The following ANO7 variants were observed in gnomAD, a reference collection of about 807,000 sequenced individuals.
The protein encoded by ANO7 is anoctamin-7.
A neutral mutation model predicts 115.8 loss-of-function variants in ANO7; 114 were observed. The ratio of observed to expected loss-of-function variants is 0.98; its 90% CI spans 0.85 to 1.15. The LOEUF (loss-of-function observed/expected upper bound fraction) is 1.15. Ranked by LOEUF, ANO7 falls within the 50% of genes most tolerant of loss-of-function variation. The pLI is 0.00. For synonymous variants in ANO7, 550 were observed against 498.2 expected (o/e 1.10, Z -1.38); for missense variants, 1,302 against 1,201.2 (o/e 1.08, Z -1.24).
At chr2:241,217,573 G>C in intron 19 of ANO7, 113 bp from the exon 20 acceptor site, 1 of 1,248,056 alleles carries the variant, frequency 8.0e-7, no homozygotes, top group South Asian at 1.4e-5. Flanking sequence ...GGCGGAATGA[G>C]CCGCGATGGG....
chr2:241,233,891 C>T, the ANO7 span: 1 of 1,614,062 alleles, frequency 6.2e-7, no homozygotes, highest in Non-Finnish European at 8.5e-7. The surrounding 1 kb of genome is among the most constrained non-coding windows in gnomAD (Gnocchi z 4.3). Context: ...GTAATTACTG[C>T]CCCCTTTCTC....
At chr2:241,230,622 A>G (rs1574826443), downstream of ANO7, 33 of 747,810 alleles carry the variant, frequency 4.4e-5, 1 homozygote, top group South Asian at 5.8e-4. This position sits in a 1 kb window ranked among gnomAD's most constrained non-coding sequence, Gnocchi z 5.0. Flanking sequence ...GGTGTCCATG[A>G]GGACAGTTCC....
rs140402249 is a variant in ANO7 at position 241,217,729 on chromosome 2, G to C, written c.2016G>C (p.Pro672=). 128 of 1,601,006 alleles carry C rather than the reference G, an allele frequency of 8.0e-5. No individual in the cohort carries two copies. The African/African-American group carries it at 1.3e-3, about 17-fold the overall frequency. Reference sequence around the variant, plus strand: ...TCACCATCTTCGTGGCCGCCTGTCCGCTCGCGCCGCTCTTCGCCCTGCTCA... The same window carrying C: ...TCACCATCTTCGTGGCCGCCTGTCCCCTCGCGCCGCTCTTCGCCCTGCTCA... ...GFVTIFVAAC[P]LAPLFALLNN... The change falls in exon 20 of 25, where the codon CCG becomes CCC. Residue 672 remains proline (P), a synonymous_variant. Coordinates refer to ENST00000674324, the MANE Select transcript of ANO7 (RefSeq NM_001370694.2).
rs771042806 is a variant in ANO7, at chr2:241,207,573, G to A, written c.981-1G>A. 1.7e-5 allele frequency: 27 copies of A among 1,613,256 alleles called. No individual in the cohort carries two copies. Among genetic ancestry groups the A allele is most frequent in the Non-Finnish European group, 2.0e-5 (24 of 1,179,960 alleles). ...CCACCCCTCCGCTCCATGCCTTGCAGGCAGGAACTGTGTGGCAGCAAGGAC... is the reference window on the plus strand; with the variant it reads ...CCACCCCTCCGCTCCATGCCTTGCAAGCAGGAACTGTGTGGCAGCAAGGAC... On this transcript the variant is annotated splice_acceptor_variant, in intron 10 of 24. Coordinates refer to ENST00000674324, the MANE Select transcript of ANO7 (RefSeq NM_001370694.2). LOFTEE classifies it high-confidence loss of function.
At chr2:241,229,862 C>T (rs2069517369), downstream of ANO7, 3 of 1,384,570 alleles carry the variant, frequency 2.2e-6, no homozygotes, top group South Asian at 1.2e-5. Flanking sequence ...GTCCAGGGTG[C>T]GTCCCGCACC....
At chr2:241,198,287 C>T (rs16843438) in intron 4 of ANO7, among the ~76,000 whole-genome samples, 20,564 of 152,168 alleles carry the variant, frequency 0.14, 1,631 homozygotes, top group African/African-American at 0.22. Context: ...TCCAGTCCTT[C>T]TCAGGTGTTG....
rs1374993216 is a variant in ANO7 at position 241,217,869 on chromosome 2, C to T, written c.2156C>T (p.Thr719Met). 5 of 1,595,432 alleles carry T rather than the reference C, an allele frequency of 3.1e-6. No individual in the cohort carries two copies. Among genetic ancestry groups the T allele is most frequent in the Non-Finnish European group, 3.4e-6 (4 of 1,175,366 alleles). Residue 719 changes from threonine to methionine, a missense_variant, in exon 20 of 25, where the codon ACG becomes ATG. Coordinates refer to ENST00000674324, the MANE Select transcript of ANO7 (RefSeq NM_001370694.2). ...GIWFHILAGL[T>M]HLAVISNAFL... ...TGGTTCCACATCCTGGCGGGCCTCA[C>T]GCACCTGGCGGTCATCAGCAACGTG...
the ANO7 span, chr2:241,235,108 A>ACCTCCTGCTCACCCGGT: frequency 6.2e-7 from 1 of 1,610,968 alleles, no homozygotes; most frequent in Non-Finnish European, 8.5e-7. Context: ...TGCCCCGGCC[A>ACCTCCTGCTCACCCGGT]CCTCCTGCTC....
At chr2:241,236,642 C>T in the ANO7 span, 1 of 1,614,152 alleles carries the variant, frequency 6.2e-7, no homozygotes, top group Non-Finnish European at 8.5e-7. Flanking sequence ...CAGCCTCACA[C>T]TTTTCTTTCC....
intron 16 of ANO7, 34 bp from the exon 17 acceptor site, chr2:241,212,538 C>T (rs1314452853): frequency 1.2e-6 from 2 of 1,604,822 alleles, no homozygotes; most frequent in African/African-American, 1.3e-5. Context: ...CAGGAAGGAT[C>T]CCATCAAGGC....
chr2:241,217,333 C>A (rs1171266555), intron 19 of ANO7, among the ~76,000 whole-genome samples: 1 of 152,256 alleles, frequency 6.6e-6, no homozygotes, highest in Non-Finnish European at 1.5e-5. Flanking sequence ...TTCCAAAGAG[C>A]CCTCTCCTAA....
chr2:241,200,029 C>A, intron 5 of ANO7, 60 bp from the exon 6 acceptor site: 1 of 1,589,082 alleles, frequency 6.3e-7, no homozygotes, highest in East Asian at 2.2e-5. Flanking sequence ...ACCTCCACTC[C>A]CACCTGGGGC....
chr2:241,231,556 G>A, the ANO7 span, among the ~76,000 whole-genome samples: 1 of 151,800 alleles, frequency 6.6e-6, no homozygotes, highest in African/African-American at 2.4e-5. Flanking sequence ...CAAGGACAGC[G>A]GGGCAAAGAC....
intron 6 of ANO7, 80 bp downstream of exon 6, chr2:241,200,305 T>G: frequency 6.5e-7 from 1 of 1,539,276 alleles, no homozygotes; most frequent in Non-Finnish European, 8.8e-7. Flanking sequence ...AACTTGGTGC[T>G]TCCCCAGGAC....
intron 15 of ANO7, 61 bp downstream of exon 15, chr2:241,210,631 G>C: frequency 7.1e-7 from 1 of 1,405,386 alleles, no homozygotes; most frequent in Non-Finnish European, 1.0e-6. Flanking sequence ...CCGCCAGCCA[G>C]AACGTGACTT....
At chr2:241,199,998 C>T (rs2068431334) in intron 5 of ANO7, 91 bp from the exon 6 acceptor site, 2 of 1,507,558 alleles carry the variant, frequency 1.3e-6, no homozygotes, top group Non-Finnish European at 1.8e-6. Flanking sequence ...TCGCCCATTG[C>T]CCAATTTGCA....
the ANO7 span, chr2:241,235,378 A>T: frequency 6.7e-7 from 1 of 1,493,762 alleles, no homozygotes; most frequent in Non-Finnish European, 9.3e-7. Flanking sequence ...GTCAGTGCCC[A>T]GTCCGAGCAG....
At chr2:241,192,916 C>A (rs10933534) in intron 3 of ANO7, among the ~76,000 whole-genome samples, 8 of 151,568 alleles carry the variant, frequency 5.3e-5, no homozygotes, top group Non-Finnish European at 8.8e-5. Context: ...GGGCTGGGGA[C>A]GGGGAGGGGG....
the ANO7 span, among the ~76,000 whole-genome samples, chr2:241,237,194 C>T: frequency 2.6e-5 from 4 of 152,212 alleles, no homozygotes; most frequent in East Asian, 3.9e-4. Flanking sequence ...GCGGCCAGCA[C>T]GCAGCCCCAC....
Sources: allele counts gnomAD v4.1 joint callset (sites outside exome capture counted in the v4.1 genomes callset), GRCh38; gene constraint gnomAD v4.1.1; non-coding constraint Gnocchi (gnomAD v3.1); transcripts MANE v1.5; gene names NCBI Gene and HGNC (gene_info 2026-07-23, HGNC 2026-07-21).